KIF5C: variants seen among roughly 807,000 people sequenced by gnomAD.
KIF5C encodes the protein kinesin heavy chain isoform 5C.
In KIF5C, 18 loss-of-function variants were observed where a neutral mutation model predicts 125.2. The observed-to-expected ratio is 0.14, with a 90% CI of 0.10 to 0.21. KIF5C has a LOEUF of 0.21. KIF5C is among the 10% of genes least tolerant of loss of function. KIF5C has a pLI of 1.00. For missense variants in KIF5C, 780 were observed against 1,183.8 expected, an observed-to-expected ratio of 0.66 and a Z score of 5.01; for synonymous variants, 405 against 434.0, an observed-to-expected ratio of 0.93 and a Z score of 0.83.
intron 25 of KIF5C, among the ~76,000 whole-genome samples, chr2:149,021,010 T>TA (rs536637374): frequency 2.1e-3 from 320 of 152,350 alleles, no homozygotes; most frequent in Non-Finnish European, 3.5e-3. Flanking sequence ...TGGGTGATTA[T>TA]ACCAAATGAG....
At position 148,922,067 on chromosome 2, in the gene KIF5C, G is replaced by A. The variant is rs912231567; in HGVS notation, c.127-70G>A. 9.5e-6 allele frequency: 10 copies of A among 1,058,036 alleles called. No homozygotes were observed. The African/African-American group carries it at 1.4e-4, about 15-fold the overall frequency. 65.5% of individuals were successfully genotyped at this position (1,058,036 alleles called of 1,614,324 possible). On this transcript the variant is annotated intron_variant, in intron 1 of 25. Coordinates refer to ENST00000435030, the MANE Select transcript of KIF5C (RefSeq NM_004522.3). ...GCCTATGGCCTAGCTACTAATGTTT[G>A]CGATTTTTTATTCCTAAACATCTAA... is the stretch of plus-strand genomic sequence containing the variant.
At chr2:148,999,768 C>G (rs1015276012) in intron 19 of KIF5C, among the ~76,000 whole-genome samples, 14 of 152,224 alleles carry the variant, frequency 9.2e-5, no homozygotes, top group African/African-American at 3.4e-4. Context: ...CAAATGGACT[C>G]TGGGTTTTCC....
chr2:148,997,636 G>C (rs762989901), intron 18 of KIF5C: 1 of 383,146 alleles, frequency 2.6e-6, no homozygotes. Flanking sequence ...GGGCTCTTTT[G>C]TCGGAGTTAA....
At chr2:148,906,724 G>A (rs937810818) in intron 1 of KIF5C, among the ~76,000 whole-genome samples, 2 of 151,708 alleles carry the variant, frequency 1.3e-5, no homozygotes, top group Non-Finnish European at 2.9e-5. Context: ...AATTACCTGG[G>A]TGTGGTGGTG....
At chr2:148,941,303 G>A (rs1198308165) in intron 4 of KIF5C, among the ~76,000 whole-genome samples, 2 of 152,188 alleles carry the variant, frequency 1.3e-5, no homozygotes, top group African/African-American at 2.4e-5. Flanking sequence ...CGTGCTTGGT[G>A]CTCATCTAAC....
intron 11 of KIF5C, among the ~76,000 whole-genome samples, chr2:148,966,889 A>G (rs1680736239): frequency 6.6e-6 from 1 of 152,166 alleles, no homozygotes. Context: ...GCCCTTACCA[A>G]GTGCCAAGAT....
chr2:148,994,791 T>G (rs995826651), intron 17 of KIF5C, among the ~76,000 whole-genome samples: 7 of 151,956 alleles, frequency 4.6e-5, no homozygotes, highest in African/African-American at 1.7e-4. Context: ...CAACCTCCGC[T>G]TCCCGGTTCC....
At chr2:148,943,101 C>G (rs1447657886) in intron 7 of KIF5C, among the ~76,000 whole-genome samples, 1 of 151,876 alleles carries the variant, frequency 6.6e-6, no homozygotes, top group Admixed American at 6.6e-5. Flanking sequence ...TTATTTTGAT[C>G]ATGTTATTGT....
At chr2:148,910,424 A>G (rs993146429) in intron 1 of KIF5C, among the ~76,000 whole-genome samples, 1 of 152,238 alleles carries the variant, frequency 6.6e-6, no homozygotes, top group Non-Finnish European at 1.5e-5. Context: ...TCAGCAATCT[A>G]TGTTATGCCC....
At position 149,026,406 on chromosome 2, in the gene KIF5C, A is replaced by G. The variant is rs1682685860; in HGVS notation, c.*3336A>G. ...AATACTGTTCATTGTGTGCAGATAT[A>G]AGGGGAATAGGGCATTCTGTAGAAT... On this transcript the variant is annotated 3_prime_UTR_variant, in exon 26 of 26. Coordinates refer to ENST00000435030, the MANE Select transcript of KIF5C (RefSeq NM_004522.3). 6.6e-6 allele frequency: 1 copy of G among 152,206 alleles called. No homozygotes were observed. Among genetic ancestry groups the G allele is most frequent in the South Asian group, 2.1e-4 (1 of 4,834 alleles). 9.4% of individuals were successfully genotyped at this position (152,206 alleles called of 1,614,324 possible). A position where few individuals can be genotyped will look rare whatever the true frequency, so the allele number is the denominator to read the frequency against.
Position 148,876,091 on chromosome 2 carries a change from C to T in KIF5C, c.126+348C>T, listed in dbSNP as rs779091623. Among the ~76,000 whole-genome samples, 69 of 152,184 alleles carry T rather than the reference C, an allele frequency of 4.5e-4. No homozygotes were observed. Among genetic ancestry groups the T allele is most frequent in the Non-Finnish European group, 8.2e-4 (56 of 68,022 alleles). ...TAGTGTGTTCGGGTGACCCTCAAGC[C>T]GGGTGCCCAGGCCCCCTTTAAAGTG... On this transcript the variant is annotated intron_variant, in intron 1 of 25. Coordinates refer to ENST00000435030, the MANE Select transcript of KIF5C (RefSeq NM_004522.3). The surrounding 1 kb of genome is among the most constrained non-coding windows in gnomAD (Gnocchi z 4.7).
At chr2:148,905,395 T>G (rs765142731) in intron 1 of KIF5C, among the ~76,000 whole-genome samples, 2 of 151,562 alleles carry the variant, frequency 1.3e-5, no homozygotes, top group Non-Finnish European at 2.9e-5. Context: ...ATTGCAGAAG[T>G]GGGAGGGGCA....
chr2:149,010,344 C>G lies in KIF5C; in HGVS notation c.2760C>G (p.Ala920=). The G allele has an allele frequency of 6.3e-7, 1 of 1,579,906 alleles. No individual in the cohort carries two copies. The highest frequency in any genetic ancestry group is 8.6e-7 in the Non-Finnish European group (1 of 1,163,710). Residue 920 remains alanine (A), a synonymous_variant, in exon 24 of 26, where the codon GCC becomes GCG. Transcript: ENST00000435030. ...ACATGGCCAGAAGGGCCCATTCAGC[C>G]CAGATCGGTACGTGCGTGCACAGTG... is the stretch of plus-strand genomic sequence containing the variant. ...AKNMARRAHS[A]QIAKPIRPGH...
At chr2:149,004,120 G>A (rs554720139) in intron 21 of KIF5C, among the ~76,000 whole-genome samples, 1 of 152,362 alleles carries the variant, frequency 6.6e-6, no homozygotes, top group African/African-American at 2.4e-5. Flanking sequence ...GATCCATTTG[G>A]TTTCCTGCAG....
At chr2:148,961,868 C>T (rs1682936190) in intron 10 of KIF5C, 103 bp from the exon 11 acceptor site, 6 of 1,476,794 alleles carry the variant, frequency 4.1e-6, no homozygotes, top group African/African-American at 1.4e-5. Flanking sequence ...CCTTCTGCTT[C>T]CCTATTTCCA....
intron 10 of KIF5C, among the ~76,000 whole-genome samples, chr2:148,952,939 A>G (rs1366116607): frequency 6.6e-6 from 1 of 152,238 alleles, no homozygotes; most frequent in Non-Finnish European, 1.5e-5. Context: ...ATGCACTGTA[A>G]GGGACAGCAC....
chr2:148,940,374 G>A (rs1202751986), intron 4 of KIF5C, among the ~76,000 whole-genome samples: 1 of 152,218 alleles, frequency 6.6e-6, no homozygotes, highest in Admixed American at 6.5e-5. Flanking sequence ...TGTTGCTAGG[G>A]ATACAGGCAG....
chr2:148,943,402 T>C (rs1220571934), intron 7 of KIF5C, among the ~76,000 whole-genome samples: 1 of 152,144 alleles, frequency 6.6e-6, no homozygotes, highest in African/African-American at 2.4e-5. Flanking sequence ...AAAAGACAGT[T>C]GTCTATCTTA....
At chr2:148,878,533 G>C (rs952842283) in intron 1 of KIF5C, 4 of 152,228 alleles carry the variant, frequency 2.6e-5, no homozygotes, top group Admixed American at 2.6e-4. Context: ...ATTTTGGTGA[G>C]TGCATGTACA....
Sources: gnomAD v4.1 joint callset for allele counts (sites outside exome capture counted in the v4.1 genomes callset) on GRCh38, gnomAD v4.1.1 for gene constraint, Gnocchi (gnomAD v3.1) non-coding constraint, MANE v1.5 for transcripts, NCBI Gene and HGNC (gene_info 2026-07-23, HGNC 2026-07-21) for gene names.